CRIM1: variants seen among roughly 807,000 people sequenced by gnomAD.
The protein encoded by CRIM1 is cysteine rich transmembrane BMP regulator 1, also known as cysteine-rich motor neuron 1 protein.
A neutral mutation model predicts 116.4 loss-of-function variants in CRIM1; 32 were observed. The ratio of observed to expected loss-of-function variants is 0.27; its 90% CI spans 0.21 to 0.37. CRIM1 has a LOEUF of 0.37. Among genes scored for constraint, CRIM1 ranks in the 10% least tolerant of loss-of-function variants. CRIM1 has a pLI of 1.00. For synonymous variants in CRIM1, 590 were observed against 509.2 expected, an observed-to-expected ratio of 1.16 and a Z score of -2.13; for missense variants, 1,331 against 1,354.8, an observed-to-expected ratio of 0.98 and a Z score of 0.28.
chr2:36,395,220 G>A (rs1266725402), intron 1 of CRIM1, among the ~76,000 whole-genome samples: 1 of 151,984 alleles, frequency 6.6e-6, no homozygotes, highest in African/African-American at 2.4e-5. Flanking sequence ...TCACCATGTT[G>A]GCCAGGCTGA....
chr2:36,383,304 A>T (rs1670928466), intron 1 of CRIM1, among the ~76,000 whole-genome samples: 1 of 152,204 alleles, frequency 6.6e-6, no homozygotes, highest in Admixed American at 6.5e-5. Context: ...TTTTTCCTTG[A>T]CTGCTATGTT....
At chr2:36,442,768 C>T in intron 4 of CRIM1, 33 bp downstream of exon 4, 3 of 1,613,372 alleles carry the variant, frequency 1.9e-6, no homozygotes, top group Non-Finnish European at 2.5e-6. Context: ...AAGTTTTCTC[C>T]TCATTTGTTA....
In CRIM1 at chr2:36,493,504, A is replaced by G. The variant is rs149036984; in HGVS notation, c.1373-5715A>G. ...GAGTTAATTACCCTCCTGACAAGAC[A>G]GTACTACACACAGACCCAACAGGGA... On this transcript the variant is annotated intron_variant, in intron 7 of 16. Coordinates refer to ENST00000280527, the MANE Select transcript of CRIM1 (RefSeq NM_016441.3). Among the ~76,000 whole-genome samples the G allele has an allele frequency of 2.2e-3, 328 of 152,292 alleles. 2 individuals are homozygous for G. The highest frequency in any genetic ancestry group is 7.5e-3 in the African/African-American group (313 of 41,562).
chr2:36,372,706 G>A (rs996493663), intron 1 of CRIM1, among the ~76,000 whole-genome samples: 10 of 152,280 alleles, frequency 6.6e-5, no homozygotes, highest in South Asian at 2.1e-4. Flanking sequence ...CCAAGTTTAC[G>A]ATGCTCATCT....
chr2:36,418,894 C>G (rs926571925), intron 2 of CRIM1, among the ~76,000 whole-genome samples: 1 of 152,130 alleles, frequency 6.6e-6, no homozygotes, highest in Non-Finnish European at 1.5e-5. Flanking sequence ...AGATGATGGT[C>G]CCAGCGCTGT....
At chr2:36,473,724 C>A (rs532137014) in intron 5 of CRIM1, among the ~76,000 whole-genome samples, 8 of 151,930 alleles carry the variant, frequency 5.3e-5, no homozygotes, top group Non-Finnish European at 8.8e-5. Context: ...TTTATGGCCA[C>A]GTAATATTTT....
chr2:36,535,671 C>T (rs1350877608), intron 13 of CRIM1, among the ~76,000 whole-genome samples: 3 of 152,140 alleles, frequency 2.0e-5, no homozygotes, highest in African/African-American at 4.8e-5. Flanking sequence ...CTAACACCCT[C>T]CCAATGGATT....
intron 12 of CRIM1, among the ~76,000 whole-genome samples, chr2:36,518,706 A>G (rs1428656270): frequency 6.6e-6 from 1 of 152,216 alleles, no homozygotes; most frequent in Non-Finnish European, 1.5e-5. Context: ...TAGGATATGC[A>G]TGACCTATGA....
chr2:36,527,203 G>C (rs1373592906), intron 13 of CRIM1, among the ~76,000 whole-genome samples: 2 of 151,334 alleles, frequency 1.3e-5, no homozygotes, highest in Non-Finnish European at 2.9e-5. Flanking sequence ...GTATATATGT[G>C]GCTCATAACT....
intron 1 of CRIM1, among the ~76,000 whole-genome samples, chr2:36,365,098 C>T (rs1178865490): frequency 1.3e-5 from 2 of 151,854 alleles, no homozygotes; most frequent in South Asian, 2.1e-4. Flanking sequence ...CGTGAAGTAC[C>T]GAGAACAGGG....
At chr2:36,372,602 T>G (rs1670015826) in intron 1 of CRIM1, among the ~76,000 whole-genome samples, 1 of 152,230 alleles carries the variant, frequency 6.6e-6, no homozygotes, top group African/African-American at 2.4e-5. Context: ...TGGATATAAG[T>G]TCAGGTACCT....
chr2:36,434,891 C>G (rs1675177761), intron 2 of CRIM1, among the ~76,000 whole-genome samples: 1 of 152,090 alleles, frequency 6.6e-6, no homozygotes, highest in Admixed American at 6.5e-5. Flanking sequence ...GTTTTGTGTG[C>G]TTTCTCCCTT....
Position 36,421,750 on chromosome 2 carries a change from G to A in CRIM1, c.506-19508G>A, listed in dbSNP as rs147211590. ...TGGAGGCCCATTTTCTTGTCCTAAC[G>A]TAGCTGCCCTTGCATGAAGGAGGAA... is the stretch of plus-strand genomic sequence containing the variant. On this transcript the variant is annotated intron_variant, in intron 2 of 16. Transcript: ENST00000280527. Among the ~76,000 whole-genome samples the A allele has an allele frequency of 5.0e-3, 765 of 152,028 alleles. 10 individuals carry two copies. The highest frequency in any genetic ancestry group is 0.017 in the African/African-American group (717 of 41,460).
intron 1 of CRIM1, 139 bp from the exon 2 acceptor site, chr2:36,396,475 G>GT (rs1672036493): frequency 3.7e-6 from 2 of 542,724 alleles, no homozygotes; most frequent in Admixed American, 3.3e-5. Flanking sequence ...CATTTGTAAA[G>GT]TTTCAGCCAG....
intron 12 of CRIM1, among the ~76,000 whole-genome samples, chr2:36,519,419 T>G (rs1228067958): frequency 5.3e-5 from 8 of 152,200 alleles, no homozygotes; most frequent in Non-Finnish European, 1.2e-4. Flanking sequence ...GATTTTTTTC[T>G]TTACCTCTAA....
In CRIM1 at chr2:36,520,594, G is replaced by T. The variant is rs114269451; in HGVS notation, c.2207-1498G>T. On this transcript the variant is annotated intron_variant, in intron 12 of 16. Transcript: ENST00000280527. ...GTACCATGGAGCCGTGGAACCAATG[G>T]CTGTTCTTCAACTTATGCCTGCTGC... Among the ~76,000 whole-genome samples, 1,117 of 152,278 alleles carry T rather than the reference G, an allele frequency of 7.3e-3. 9 individuals are homozygous for T. Among genetic ancestry groups the T allele is most frequent in the African/African-American group, 0.025 (1,059 of 41,550 alleles).
chr2:36,480,035 A>T (rs1439046843), intron 7 of CRIM1, among the ~76,000 whole-genome samples: 2 of 152,236 alleles, frequency 1.3e-5, no homozygotes, highest in Non-Finnish European at 2.9e-5. Flanking sequence ...CCGATGAGTC[A>T]ATCTTAGCAC....
chr2:36,419,999 AT>A (rs1673925908), intron 2 of CRIM1, among the ~76,000 whole-genome samples: 1 of 152,108 alleles, frequency 6.6e-6, no homozygotes, highest in African/African-American at 2.4e-5. Flanking sequence ...TTCTCTGTTC[AT>A]TTTAAATGTT....
intron 2 of CRIM1, among the ~76,000 whole-genome samples, chr2:36,415,701 C>T (rs1673561268): frequency 6.6e-6 from 1 of 152,128 alleles, no homozygotes; most frequent in Non-Finnish European, 1.5e-5. Flanking sequence ...ATGCACACTC[C>T]AGAGCATGTG....
Sources: gnomAD v4.1 joint callset for allele counts (sites outside exome capture counted in the v4.1 genomes callset) on GRCh38, gnomAD v4.1.1 for gene constraint, MANE v1.5 for transcripts, NCBI Gene and HGNC (gene_info 2026-07-23, HGNC 2026-07-21) for gene names.